SLC35F3: variants seen among roughly 807,000 people sequenced by gnomAD.
SLC35F3 encodes the protein solute carrier family 35 member F3.
SLC35F3 carries 25 observed loss-of-function variants against 49.9 expected under a neutral mutation model. The ratio of observed to expected loss-of-function variants is 0.50; its 90% CI spans 0.37 to 0.70. The LOEUF (loss-of-function observed/expected upper bound fraction) is 0.70. SLC35F3 is among the 30% of genes least tolerant of loss of function. The probability of loss-of-function intolerance (pLI) is 0.00; values close to 1 mark genes in which losing one functional copy is unlikely to be tolerated. For missense variants in SLC35F3, 525 were observed against 639.8 expected, an observed-to-expected ratio of 0.82 and a Z score of 1.94; for synonymous variants, 275 against 265.4, an observed-to-expected ratio of 1.04 and a Z score of -0.35.
chr1:234,162,773 G>A (rs1018187366), intron 2 of SLC35F3, among the ~76,000 whole-genome samples: 1 of 152,224 alleles, frequency 6.6e-6, no homozygotes, highest in Non-Finnish European at 1.5e-5. Flanking sequence ...CTTGCTGGCA[G>A]GATGGCAGAT....
At chr1:234,072,115 G>A (rs1166926304) in intron 2 of SLC35F3, among the ~76,000 whole-genome samples, 1 of 152,254 alleles carries the variant, frequency 6.6e-6, no homozygotes, top group East Asian at 1.9e-4. Flanking sequence ...CAGCATGACT[G>A]CTTTATGTGC....
At chr1:234,084,274 C>A (rs1664928573) in intron 2 of SLC35F3, among the ~76,000 whole-genome samples, 2 of 151,628 alleles carry the variant, frequency 1.3e-5, no homozygotes, top group South Asian at 4.2e-4. Flanking sequence ...GAGAGGAGGG[C>A]AAGTTATTTA....
At chr1:234,187,502 C>T (rs1229159499) in intron 2 of SLC35F3, among the ~76,000 whole-genome samples, 1 of 152,168 alleles carries the variant, frequency 6.6e-6, no homozygotes, top group Non-Finnish European at 1.5e-5. Flanking sequence ...CAGGAATATA[C>T]CAGGAAAGCC....
At chr1:234,230,621 T>C (rs997142389) in intron 2 of SLC35F3, among the ~76,000 whole-genome samples, 1 of 152,228 alleles carries the variant, frequency 6.6e-6, no homozygotes, top group African/African-American at 2.4e-5. Context: ...CCTTTTCACC[T>C]TCCTCTGGTC....
chr1:233,924,765 C>A (rs962523500), intron 2 of SLC35F3, among the ~76,000 whole-genome samples: 1 of 152,156 alleles, frequency 6.6e-6, no homozygotes, highest in Non-Finnish European at 1.5e-5. Context: ...CTCTTATGGC[C>A]ATTTAGTGCT....
chr1:233,905,902 GA>G, intron 2 of SLC35F3, 144 bp downstream of exon 2: 1 of 733,112 alleles, frequency 1.4e-6, no homozygotes, highest in Non-Finnish European at 2.2e-6. Context: ...TTGCAACTTC[GA>G]GGAAGAGGCC....
In SLC35F3 at chr1:234,320,295, CACAT is replaced by C. The variant is rs553803009; in HGVS notation, c.1237+112_1237+115del. The stretch of plus-strand genomic sequence containing the variant: ...ATACATACACACTCACACATACACT[CACAT>C]ACACACACTCATGCATACACACACA... On this transcript the variant is annotated intron_variant, in intron 7 of 7. Transcript: ENST00000366618. This position sits in a 1 kb window ranked among gnomAD's most constrained non-coding sequence, Gnocchi z 4.8. 225 of 748,350 alleles carry C rather than the reference CACAT, an allele frequency of 3.0e-4. No individual in the cohort carries two copies. The highest frequency in any genetic ancestry group is 4.7e-4 in the Admixed American group (25 of 53,756). 46.4% of individuals were successfully genotyped at this position (748,350 alleles called of 1,614,324 possible).
intron 4 of SLC35F3, among the ~76,000 whole-genome samples, chr1:234,316,213 A>G (rs1334352241): frequency 1.3e-5 from 2 of 152,236 alleles, no homozygotes; most frequent in African/African-American, 2.4e-5. Flanking sequence ...AGGCTGGGGA[A>G]GAACTCAGGT....
At chr1:234,138,142 C>G (rs1248921423) in intron 2 of SLC35F3, among the ~76,000 whole-genome samples, 1 of 152,172 alleles carries the variant, frequency 6.6e-6, no homozygotes, top group African/African-American at 2.4e-5. Context: ...GTTTCAACAT[C>G]TATCTTAAAA....
At chr1:234,274,095 C>A (rs927548268) in intron 3 of SLC35F3, 1 of 152,114 alleles carries the variant, frequency 6.6e-6, no homozygotes, top group African/African-American at 2.4e-5. Flanking sequence ...TTGGGGTTAG[C>A]GAAATGTTGA....
chr1:233,938,920 G>A (rs1012429965), intron 2 of SLC35F3, among the ~76,000 whole-genome samples: 2 of 152,100 alleles, frequency 1.3e-5, no homozygotes, highest in African/African-American at 4.8e-5. Flanking sequence ...GGAAGATGAG[G>A]ACTAAAAAGC....
At chr1:234,151,745 A>G (rs779392991) in intron 2 of SLC35F3, among the ~76,000 whole-genome samples, 3 of 152,178 alleles carry the variant, frequency 2.0e-5, no homozygotes, top group Non-Finnish European at 4.4e-5. Flanking sequence ...AAACTGACAA[A>G]TATTGAAGAT....
chr1:234,011,681 A>G (rs1663722468), intron 2 of SLC35F3, among the ~76,000 whole-genome samples: 1 of 152,222 alleles, frequency 6.6e-6, no homozygotes, highest in Admixed American at 6.5e-5. Flanking sequence ...CATGGAGACA[A>G]CATGCAAACT....
chr1:233,977,425 A>T (rs1166520882), intron 2 of SLC35F3, among the ~76,000 whole-genome samples: 1 of 152,188 alleles, frequency 6.6e-6, no homozygotes, highest in East Asian at 1.9e-4. Flanking sequence ...AAGGGCTCAG[A>T]GTTCAGCTCT....
At chr1:234,177,003 A>G (rs538186771) in intron 2 of SLC35F3, among the ~76,000 whole-genome samples, 7 of 152,306 alleles carry the variant, frequency 4.6e-5, no homozygotes, top group South Asian at 4.1e-4. Flanking sequence ...TCGCCACCCA[A>G]GTCTCATCTT....
intron 2 of SLC35F3, among the ~76,000 whole-genome samples, chr1:234,125,122 T>A (rs1665628021): frequency 6.6e-6 from 1 of 152,032 alleles, no homozygotes. Context: ...CACCATCCTA[T>A]CCCGCCTCAT....
At position 234,002,556 on chromosome 1, in the gene SLC35F3, C is replaced by T. The variant is rs562321219; in HGVS notation, c.283+96798C>T. Among the ~76,000 whole-genome samples, 4 of 152,230 alleles carry T rather than the reference C, an allele frequency of 2.6e-5. No individual in the cohort carries two copies. The East Asian group carries it at 7.7e-4, about 29-fold the overall frequency. ...TTGGGGAGAAAGACCTCAAAGGCCA[C>T]GTTTATGATGTTGTGTCCAGGTTAC... On this transcript the variant is annotated intron_variant, in intron 2 of 7. Transcript: ENST00000366618.
At chr1:233,976,379 G>A (rs1327066189) in intron 2 of SLC35F3, among the ~76,000 whole-genome samples, 2 of 151,950 alleles carry the variant, frequency 1.3e-5, no homozygotes, top group Non-Finnish European at 2.9e-5. Context: ...GCAGGCTTAC[G>A]CAAAAGTAGG....
At chr1:234,113,908 T>G (rs1665445394) in intron 2 of SLC35F3, among the ~76,000 whole-genome samples, 3 of 152,168 alleles carry the variant, frequency 2.0e-5, no homozygotes, top group African/African-American at 7.2e-5. Context: ...CGTAAGAGAT[T>G]TCTCAGCAAA....
Sources: gnomAD v4.1 joint callset for allele counts (sites outside exome capture counted in the v4.1 genomes callset) on GRCh38, gnomAD v4.1.1 for gene constraint, Gnocchi (gnomAD v3.1) non-coding constraint, MANE v1.5 for transcripts, NCBI Gene and HGNC (gene_info 2026-07-23, HGNC 2026-07-21) for gene names.